ANKS1B: variants seen among roughly 807,000 people sequenced by gnomAD.
ANKS1B encodes the protein ankyrin repeat and sterile alpha motif domain-containing protein 1B.
In ANKS1B, 36 loss-of-function variants were observed where a neutral mutation model predicts 148.3. That is an observed-to-expected ratio of 0.24 (90% confidence interval 0.19 to 0.32). The LOEUF (loss-of-function observed/expected upper bound fraction) is 0.32. Among genes scored for constraint, ANKS1B ranks in the 10% least tolerant of loss-of-function variants. ANKS1B has a pLI of 1.00. For synonymous variants in ANKS1B, 542 were observed against 560.8 expected (o/e 0.97, Z 0.47); for missense variants, 1,157 against 1,542.6 (o/e 0.75, Z 4.19).
rs12314519 is a variant in ANKS1B at position 98,798,491 on chromosome 12, T to A, written c.3342+443A>T. Among the ~76,000 whole-genome samples, 1,109 of 143,054 alleles carry A rather than the reference T, an allele frequency of 7.8e-3. 16 individuals carry two copies. The highest frequency in any genetic ancestry group is 0.026 in the African/African-American group (1,019 of 39,112). The allele number at this position is 143,054 out of a possible 152,430, so 93.8% of individuals were successfully genotyped here. ...CCACTCAAAGTTGAATTTAAAAAAATAAAAAAAAAAAACTGAGTAAGAAAT... is the reference window on the plus strand; with the variant it reads ...CCACTCAAAGTTGAATTTAAAAAAAAAAAAAAAAAAAACTGAGTAAGAAAT... On this transcript the variant is annotated intron_variant, in intron 22 of 26. Transcript: ENST00000683438.
At chr12:99,486,996 G>A (rs936176682) in intron 10 of ANKS1B, among the ~76,000 whole-genome samples, 1 of 152,146 alleles carries the variant, frequency 6.6e-6, no homozygotes, top group Non-Finnish European at 1.5e-5. Context: ...GACAAGGGGG[G>A]AATGACATCT....
At chr12:98,769,271 G>A (rs1250322973) in intron 25 of ANKS1B, among the ~76,000 whole-genome samples, 1 of 136,774 alleles carries the variant, frequency 7.3e-6, no homozygotes, top group Non-Finnish European at 1.5e-5. Flanking sequence ...GTATTGAACT[G>A]CCCTACATAA....
At chr12:99,068,703 CAG>C (rs10554812) in intron 16 of ANKS1B, among the ~76,000 whole-genome samples, 363 of 144,274 alleles carry the variant, frequency 2.5e-3, no homozygotes, top group Admixed American at 6.0e-3. Context: ...GGGTGGGGGG[CAG>C]AGAGAGAGAG....
intron 9 of ANKS1B, among the ~76,000 whole-genome samples, chr12:99,561,745 TC>T (rs1314023276): frequency 3.9e-5 from 6 of 152,304 alleles, no homozygotes; most frequent in African/African-American, 1.4e-4. Context: ...AGTTCCTTCT[TC>T]CACTGAAGTC....
Position 98,901,666 on chromosome 12 carries a change from G to T in ANKS1B, c.2779-69530C>A, listed in dbSNP as rs141782476. Among the ~76,000 whole-genome samples the T allele has an allele frequency of 4.9e-4, 74 of 152,268 alleles. No homozygotes were observed. In the Middle Eastern group the frequency reaches 0.01, roughly 21 times the overall value. ...AAATGTTAGCATATGTTAATAGAGGGCACAAAATAGAAGTCAGAGAGAGAA... is the reference window on the plus strand; with the variant it reads ...AAATGTTAGCATATGTTAATAGAGGTCACAAAATAGAAGTCAGAGAGAGAA... On this transcript the variant is annotated intron_variant, in intron 17 of 26. Transcript: ENST00000683438.
At chr12:99,464,007 C>A (rs564034165) in intron 10 of ANKS1B, among the ~76,000 whole-genome samples, 18 of 152,298 alleles carry the variant, frequency 1.2e-4, no homozygotes, top group African/African-American at 4.1e-4. Flanking sequence ...TCCCTGACCC[C>A]TGACCCCCAA....
At chr12:99,949,956 CTT>C (rs2095171537) in intron 1 of ANKS1B, among the ~76,000 whole-genome samples, 1 of 151,684 alleles carries the variant, frequency 6.6e-6, no homozygotes, top group Non-Finnish European at 1.5e-5. Context: ...ACAAGCCACT[CTT>C]ATTTGTTTGT....
intron 17 of ANKS1B, among the ~76,000 whole-genome samples, chr12:98,936,581 C>T (rs576684432): frequency 2.0e-5 from 3 of 151,904 alleles, no homozygotes; most frequent in South Asian, 2.1e-4. Context: ...GAGCCGAGAT[C>T]GCACCACTGC....
At chr12:99,537,842 T>G (rs993450896) in intron 9 of ANKS1B, among the ~76,000 whole-genome samples, 1 of 152,190 alleles carries the variant, frequency 6.6e-6, no homozygotes, top group African/African-American at 2.4e-5. Flanking sequence ...CAGACCAATG[T>G]CCTGGAGAAT....
At chr12:99,135,954 A>G (rs1274257333) in intron 15 of ANKS1B, among the ~76,000 whole-genome samples, 1 of 152,186 alleles carries the variant, frequency 6.6e-6, no homozygotes, top group Non-Finnish European at 1.5e-5. Flanking sequence ...GGACAGGAAG[A>G]CTAAGGAGAT....
chr12:99,706,352 A>C (rs2055769409), intron 8 of ANKS1B: 1 of 152,012 alleles, frequency 6.6e-6, no homozygotes. Context: ...ATAATAAATA[A>C]TATATAAATA....
At position 99,201,323 on chromosome 12, in the gene ANKS1B, GA is replaced by G. The variant is rs145577403; in HGVS notation, c.2419+43018del. On this transcript the variant is annotated intron_variant, in intron 14 of 26. Transcript: ENST00000683438. ...TTTGAAAAACATTATTTCCTGAGTG[GA>G]AAAAAAAAACCCTAGAAACTGAAGA... is the stretch of plus-strand genomic sequence containing the variant. Among the ~76,000 whole-genome samples, 14 of 146,680 alleles carry G rather than the reference GA, an allele frequency of 9.5e-5. No individual in the cohort carries two copies. The South Asian group carries it at 1.7e-3, about 18-fold the overall frequency.
chr12:99,784,163 ACTTT>A (rs1301701614), intron 4 of ANKS1B, among the ~76,000 whole-genome samples: 1 of 144,692 alleles, frequency 6.9e-6, no homozygotes, highest in Admixed American at 7.1e-5. Context: ...GGCATACTGA[ACTTT>A]CTTTTTTTTT....
intron 9 of ANKS1B, among the ~76,000 whole-genome samples, chr12:99,530,319 G>A (rs1307066991): frequency 6.6e-6 from 1 of 152,194 alleles, no homozygotes; most frequent in African/African-American, 2.4e-5. Context: ...TCTCCCAAGC[G>A]AGTTCTTTAT....
intron 17 of ANKS1B, among the ~76,000 whole-genome samples, chr12:98,892,892 T>C (rs892759333): frequency 2.0e-5 from 3 of 152,276 alleles, no homozygotes; most frequent in African/African-American, 7.2e-5. Context: ...TGTCATGGCT[T>C]AAGAAAAAAA....
At chr12:99,104,742 T>C (rs1419888602) in intron 15 of ANKS1B, 1 of 152,310 alleles carries the variant, frequency 6.6e-6, no homozygotes, top group Non-Finnish European at 1.5e-5. Context: ...TTCCTCTCTC[T>C]CTTTACCTCC....
In ANKS1B at chr12:99,929,257, A is replaced by AT. The variant is rs1426654371; in HGVS notation, c.134+54846dup. Among the ~76,000 whole-genome samples the AT allele has an allele frequency of 1.3e-4, 19 of 151,966 alleles. No individual in the cohort carries two copies. The East Asian group carries it at 3.1e-3, about 25-fold the overall frequency. On this transcript the variant is annotated intron_variant, in intron 1 of 26. Transcript: ENST00000683438. ...ACTCAGTTAAGAGAATGACAGAGGG[A>AT]TTTTTTTTCATGTGTTTTTTGGCTG...
chr12:99,549,203 G>A (rs2097197020), intron 9 of ANKS1B, among the ~76,000 whole-genome samples: 1 of 152,062 alleles, frequency 6.6e-6, no homozygotes, highest in African/African-American at 2.4e-5. Context: ...TATACCTCAG[G>A]GCACTAAAGG....
chr12:99,033,592 A>T (rs1407125743), intron 17 of ANKS1B, among the ~76,000 whole-genome samples: 2 of 152,178 alleles, frequency 1.3e-5, no homozygotes, highest in South Asian at 2.1e-4. Flanking sequence ...TGAACCCAGG[A>T]GGCAGAGGTT....
Sources: gnomAD v4.1 joint callset for allele counts (sites outside exome capture counted in the v4.1 genomes callset) on GRCh38, gnomAD v4.1.1 for gene constraint, MANE v1.5 for transcripts, NCBI Gene and HGNC (gene_info 2026-07-23, HGNC 2026-07-21) for gene names.